The following NOTCH2 variants were observed in gnomAD, a reference collection of about 807,000 sequenced individuals.
NOTCH2 encodes the protein notch receptor 2.
A neutral mutation model predicts 235.8 loss-of-function variants in NOTCH2; 29 were observed. The ratio of observed to expected loss-of-function variants is 0.12; its 90% CI spans 0.09 to 0.17. NOTCH2 has a LOEUF of 0.17. Ranked by LOEUF, NOTCH2 falls within the 10% of genes least tolerant of loss-of-function variation. NOTCH2 has a pLI of 1.00. For missense variants in NOTCH2, 2,285 were observed against 3,150.2 expected (o/e 0.73, Z 6.57); for synonymous variants, 1,086 against 1,141.5 (o/e 0.95, Z 0.98).
chr1:119,967,677 T>C (rs1651195549), intron 7 of NOTCH2, 56 bp from the exon 8 acceptor site: 1 of 1,481,950 alleles, frequency 6.7e-7, no homozygotes, highest in East Asian at 2.3e-5. Flanking sequence ...TCCACAAATG[T>C]GAACAATAGA....
At chr1:119,925,083 A>G (rs1354047197) in intron 25 of NOTCH2, among the ~76,000 whole-genome samples, 1 of 152,188 alleles carries the variant, frequency 6.6e-6, no homozygotes, top group East Asian at 1.9e-4. Context: ...GCAGGTGAGA[A>G]GGCAAAGATA....
chr1:120,034,413 C>CA (rs1654228466), intron 1 of NOTCH2, among the ~76,000 whole-genome samples: 1 of 93,666 alleles, frequency 1.1e-5, no homozygotes, highest in Non-Finnish European at 2.0e-5. Context: ...CAATATAATA[C>CA]AAAAATCTAG....
At chr1:119,999,873 C>A (rs327190) in intron 3 of NOTCH2, among the ~76,000 whole-genome samples, 29,620 of 136,970 alleles carry the variant, frequency 0.22, 3,963 homozygotes, top group African/African-American at 0.43. Flanking sequence ...AGAAGAAAGA[C>A]AGACAGAAAG....
intron 28 of NOTCH2, 81 bp from the exon 29 acceptor site, chr1:119,921,890 C>T: frequency 6.0e-6 from 7 of 1,172,506 alleles, no homozygotes; most frequent in Non-Finnish European, 8.9e-6. Flanking sequence ...CACCATGACA[C>T]ACTCCCGTGG....
intron 5 of NOTCH2, among the ~76,000 whole-genome samples, chr1:119,977,216 AATT>A (rs1220902065): frequency 1.3e-5 from 2 of 152,012 alleles, no homozygotes; most frequent in East Asian, 1.9e-4. Flanking sequence ...CCAAAATAAT[AATT>A]ATCTTTCAAC....
chr1:120,028,934 A>T (rs1653981103), intron 2 of NOTCH2, among the ~76,000 whole-genome samples: 2 of 152,230 alleles, frequency 1.3e-5, no homozygotes, highest in South Asian at 4.2e-4. Flanking sequence ...GGAAACCTAG[A>T]AAAGCTATTA....
chr1:119,988,426 A>G (rs1466053408), intron 4 of NOTCH2, among the ~76,000 whole-genome samples: 2 of 152,210 alleles, frequency 1.3e-5, no homozygotes, highest in Non-Finnish European at 2.9e-5. Flanking sequence ...ATTCAAGCAG[A>G]TGAATCACTG....
At chr1:119,998,662 C>A (rs587716573) in intron 3 of NOTCH2, among the ~76,000 whole-genome samples, 1 of 152,114 alleles carries the variant, frequency 6.6e-6, no homozygotes, top group Non-Finnish European at 1.5e-5. Context: ...ATTTAAACTA[C>A]AGAGATGAGA....
chr1:119,968,176 G>T lies in NOTCH2; in HGVS notation c.1165C>A (p.Leu389Met). 2 of 1,614,020 alleles carry T rather than the reference G, an allele frequency of 1.2e-6. No individual in the cohort carries two copies. Among genetic ancestry groups the T allele is most frequent in the Non-Finnish European group, 1.7e-6 (2 of 1,179,932 alleles). ...CCATTTAGGGGGTTGGTGTCACACA[G>T]TGCCCCCTTGTGGCAAGGATTGCTG... ...CISNPCHKGA[L>M]CDTNPLNGQY... The change falls in exon 7 of 34, where the codon CTG (leucine) becomes ATG (methionine). Residue 389 changes from leucine (L) to methionine (M), a missense_variant. By Grantham distance (15) the Leu-to-Met change is conservative (BLOSUM62 2). Transcript: ENST00000256646.
chr1:120,028,448 T>C (rs1553210398), intron 2 of NOTCH2, among the ~76,000 whole-genome samples: 1 of 152,148 alleles, frequency 6.6e-6, no homozygotes, highest in African/African-American at 2.4e-5. Flanking sequence ...CACGTTTTTT[T>C]TTCCCCCAGC....
intron 25 of NOTCH2, among the ~76,000 whole-genome samples, chr1:119,924,211 C>T (rs1649386516): frequency 6.6e-6 from 1 of 152,198 alleles, no homozygotes; most frequent in South Asian, 2.1e-4. Context: ...CACTATGCTG[C>T]AGGAGCTTAG....
chr1:119,949,884 T>C (rs587721372), intron 15 of NOTCH2, among the ~76,000 whole-genome samples: 1 of 152,300 alleles, frequency 6.6e-6, no homozygotes, highest in Admixed American at 6.5e-5. Context: ...ACAGGCAAAG[T>C]TATTGTCTAT....
chr1:119,914,336 T>C lies in NOTCH2; in HGVS notation c.*970A>G, dbSNP rs1648991071. On this transcript the variant is annotated 3_prime_UTR_variant, in exon 34 of 34. Transcript: ENST00000256646. ...GCTCTTGCACGAGTTAACTTGTCTC[T>C]TGGTCATTCCAACATTCCAAACCTT... The C allele has an allele frequency of 4.3e-6, 1 of 233,062 alleles. No individual in the cohort carries two copies. The highest frequency in any genetic ancestry group is 5.6e-5 in the Admixed American group (1 of 17,774). The allele number at this position is 233,062 out of a possible 1,614,324, so 14.4% of individuals were successfully genotyped here.
At chr1:120,009,246 G>C (rs1474595843) in intron 2 of NOTCH2, among the ~76,000 whole-genome samples, 1 of 151,084 alleles carries the variant, frequency 6.6e-6, no homozygotes, top group Non-Finnish European at 1.5e-5. Context: ...TGTAAAGAAA[G>C]ACTTAGGGTT....
In NOTCH2 at chr1:120,069,576, G is replaced by T. The variant is rs1372294549; in HGVS notation, c.-170C>A. On this transcript the variant is annotated 5_prime_UTR_variant, in exon 1 of 34. Coordinates refer to ENST00000256646, the MANE Select transcript of NOTCH2 (RefSeq NM_024408.4). ...AGGCGCAAATGCCTCGACTCCCCGCGCCCCGAGTCCGCCGCTCCTCGGCCG... is the reference window on the plus strand; with the variant it reads ...AGGCGCAAATGCCTCGACTCCCCGCTCCCCGAGTCCGCCGCTCCTCGGCCG... The T allele has an allele frequency of 1.4e-6, 2 of 1,408,954 alleles. No individual in the cohort carries two copies. The highest frequency in any genetic ancestry group is 9.2e-7 in the Non-Finnish European group (1 of 1,090,980). The allele number at this position is 1,408,954 out of a possible 1,614,324, so 87.3% of individuals were successfully genotyped here.
intron 17 of NOTCH2, 147 bp downstream of exon 17, chr1:119,948,267 G>A (rs1650332311): frequency 2.5e-6 from 2 of 813,356 alleles, no homozygotes; most frequent in Non-Finnish European, 4.1e-6. Flanking sequence ...AAAAGAAAGA[G>A]TTAAAACACT....
Position 119,918,431 on chromosome 1 carries a change from C to G in NOTCH2, c.5904G>C (p.Ala1968=). 6.2e-7 allele frequency: 1 copy of G among 1,614,164 alleles called. No homozygotes were observed. The highest frequency in any genetic ancestry group is 8.5e-7 in the Non-Finnish European group (1 of 1,180,032). The stretch of plus-strand genomic sequence containing the variant: ...CATGGTCATCCACTGCATTCACATC[C>G]GCTTGGCAGTTGATCAGTTCTGCCA... ...GMVAELINCQ[A]DVNAVDDHGK... is the part of the protein sequence containing the mutation. The change falls in exon 32 of 34, where the codon GCG becomes GCC. Residue 1968 remains alanine (A), a synonymous_variant. Transcript: ENST00000256646.
chr1:119,987,824 T>C (rs1308374418), intron 4 of NOTCH2, among the ~76,000 whole-genome samples: 1 of 152,200 alleles, frequency 6.6e-6, no homozygotes, highest in East Asian at 1.9e-4. Flanking sequence ...CATCAGGCTC[T>C]TCTCTAAACT....
At chr1:119,989,269 C>T (rs1652139015) in intron 4 of NOTCH2, among the ~76,000 whole-genome samples, 1 of 152,148 alleles carries the variant, frequency 6.6e-6, no homozygotes, top group Non-Finnish European at 1.5e-5. Context: ...AACAAATGGT[C>T]CTGGGACAAC....
Sources: gnomAD v4.1 joint callset for allele counts (sites outside exome capture counted in the v4.1 genomes callset) on GRCh38, gnomAD v4.1.1 for gene constraint, MANE v1.5 for transcripts, NCBI Gene and HGNC (gene_info 2026-07-23, HGNC 2026-07-21) for gene names.